The following RCHY1 variants were observed in gnomAD, a reference collection of about 807,000 sequenced individuals.
RCHY1 encodes the protein RING finger and CHY zinc finger domain-containing protein 1.
RCHY1 carries 21 observed loss-of-function variants against 41.6 expected under a neutral mutation model. That is an observed-to-expected ratio of 0.51 (90% CI 0.36 to 0.73). The LOEUF (loss-of-function observed/expected upper bound fraction) is 0.73. RCHY1 is among the 30% of genes least tolerant of loss of function. The pLI, the probability that RCHY1 is intolerant of heterozygous loss-of-function variation, is 0.00. For synonymous variants in RCHY1, 79 were observed against 102.9 expected, an observed-to-expected ratio of 0.77 and a Z score of 1.41; for missense variants, 265 against 325.3, an observed-to-expected ratio of 0.81 and a Z score of 1.43.
intron 4 of RCHY1, among the ~76,000 whole-genome samples, 159 bp from the exon 5 acceptor site, chr4:75,492,092 T>C (rs1722802846): frequency 6.6e-6 from 1 of 151,986 alleles, no homozygotes; most frequent in African/African-American, 2.4e-5. Flanking sequence ...TTAATAGTTA[T>C]TTAAATCTCA....
At chr4:75,487,757 A>T (rs1230618095) in intron 8 of RCHY1, among the ~76,000 whole-genome samples, 1 of 29,182 alleles carries the variant, frequency 3.4e-5, no homozygotes, top group Non-Finnish European at 6.0e-5. Context: ...ATATATTCAT[A>T]ATATATATAT....
At chr4:75,514,450 G>A, upstream of RCHY1, 1 of 742,784 alleles carries the variant, frequency 1.3e-6, no homozygotes, top group Admixed American at 3.0e-5. Context: ...CGGTTCCCGG[G>A]GCTACGAGGC....
Position 75,514,369 on chromosome 4 carries a change from C to A in RCHY1, c.-83G>T. 7.0e-7 allele frequency: 1 copy of A among 1,426,982 alleles called. No individual in the cohort carries two copies. The highest frequency in any genetic ancestry group is 9.5e-7 in the Non-Finnish European group (1 of 1,057,748). The allele number at this position is 1,426,982 out of a possible 1,614,324, so 88.4% of individuals were successfully genotyped here. ...AGAGAAGCTGCGCCTCTCTAGCACACCCCTCCCAGCCCCAGCGGCCACTAG... is the reference window on the plus strand; with the variant it reads ...AGAGAAGCTGCGCCTCTCTAGCACAACCCTCCCAGCCCCAGCGGCCACTAG... On this transcript the variant is annotated 5_prime_UTR_variant, in exon 1 of 9. Coordinates refer to ENST00000324439, the MANE Select transcript of RCHY1 (RefSeq NM_015436.4).
At chr4:75,502,828 C>A (rs900047498) in intron 3 of RCHY1, among the ~76,000 whole-genome samples, 11 of 152,202 alleles carry the variant, frequency 7.2e-5, no homozygotes, top group Admixed American at 2.0e-4. Flanking sequence ...ATGAAATAAT[C>A]ACTAATGCAT....
At chr4:75,505,153 A>G (rs1180797006) in intron 3 of RCHY1, among the ~76,000 whole-genome samples, 1 of 152,144 alleles carries the variant, frequency 6.6e-6, no homozygotes, top group Non-Finnish European at 1.5e-5. Flanking sequence ...CACAACCTAG[A>G]TCCCTTGAAT....
chr4:75,485,207 T>C (rs1490397203), intron 8 of RCHY1, among the ~76,000 whole-genome samples: 6 of 152,242 alleles, frequency 3.9e-5, no homozygotes, highest in African/African-American at 1.4e-4. Context: ...TACTTCTGTT[T>C]AATTTCTGAG....
chr4:75,490,057 T>C (rs1035210093), intron 8 of RCHY1, among the ~76,000 whole-genome samples: 7 of 152,096 alleles, frequency 4.6e-5, no homozygotes, highest in African/African-American at 1.4e-4. Flanking sequence ...ATGACTCTTA[T>C]CTCTCAATTT....
chr4:75,508,938 A>C lies in RCHY1; in HGVS notation c.211-3T>G. 6.4e-7 allele frequency: 1 copy of C among 1,573,706 alleles called. No homozygotes were observed. On this transcript the variant is annotated splice_region_variant and splice_polypyrimidine_tract_variant and intron_variant, in intron 2 of 8. Transcript: ENST00000324439. ...CATTCTTCACAAGTCTGTTGGGCCTAAAAAAGAAACATAATTAAAAACTGC... is the reference window on the plus strand; with the variant it reads ...CATTCTTCACAAGTCTGTTGGGCCTCAAAAAGAAACATAATTAAAAACTGC...
chr4:75,513,238 G>A (rs1382673403), intron 1 of RCHY1, among the ~76,000 whole-genome samples: 1 of 152,102 alleles, frequency 6.6e-6, no homozygotes, highest in Non-Finnish European at 1.5e-5. Context: ...TTCTAATAAT[G>A]AGGCAGTGAC....
intron 8 of RCHY1, among the ~76,000 whole-genome samples, chr4:75,485,891 T>C (rs992080249): frequency 6.6e-6 from 1 of 152,168 alleles, no homozygotes; most frequent in Non-Finnish European, 1.5e-5. Flanking sequence ...TGTTAGTAAA[T>C]AGGAATGGCT....
chr4:75,483,104 G>A (rs982408997), intron 8 of RCHY1, among the ~76,000 whole-genome samples: 1 of 151,996 alleles, frequency 6.6e-6, no homozygotes, highest in Non-Finnish European at 1.5e-5. Flanking sequence ...TTAGTATACT[G>A]TTCCCTGTCT....
intron 8 of RCHY1, among the ~76,000 whole-genome samples, chr4:75,487,799 AT>A (rs1722341604): frequency 2.5e-5 from 2 of 80,610 alleles, no homozygotes; most frequent in East Asian, 3.1e-4. Flanking sequence ...ATATATTCAT[AT>A]ATATATTCAT....
chr4:75,513,002 G>GT (rs1449549016), intron 1 of RCHY1, among the ~76,000 whole-genome samples: 1 of 150,526 alleles, frequency 6.6e-6, no homozygotes, highest in African/African-American at 2.5e-5. Flanking sequence ...TTTATGGGGG[G>GT]CACCAAGATG....
Position 75,481,220 on chromosome 4 carries a change from CA to C in RCHY1, c.*1317del, listed in dbSNP as rs1211757722. On this transcript the variant is annotated 3_prime_UTR_variant, in exon 9 of 9. Transcript: ENST00000324439. Reference sequence around the variant, plus strand: ...CTTTATCTAGGTGAATAAATTTCAACAAAAGAAGAAATAAATGTGCCAGAAC... The same window carrying C: ...CTTTATCTAGGTGAATAAATTTCAACAAAGAAGAAATAAATGTGCCAGAAC... 6.6e-6 allele frequency: 1 copy of C among 152,106 alleles called. No individual in the cohort carries two copies. Among genetic ancestry groups the C allele is most frequent in the African/African-American group, 2.4e-5 (1 of 41,430 alleles). 9.4% of individuals were successfully genotyped at this position (152,106 alleles called of 1,614,324 possible). A position where few individuals can be genotyped will look rare whatever the true frequency, so the allele number is the denominator to read the frequency against.
At chr4:75,511,822 AAAAC>A (rs1315048387) in intron 1 of RCHY1, among the ~76,000 whole-genome samples, 1 of 152,094 alleles carries the variant, frequency 6.6e-6, no homozygotes, top group East Asian at 1.9e-4. Flanking sequence ...AAAAAAAAAA[AAAAC>A]AAATATCTTA....
intron 7 of RCHY1, 89 bp downstream of exon 7, chr4:75,491,522 A>G (rs759837584): frequency 3.4e-6 from 4 of 1,177,832 alleles, no homozygotes; most frequent in South Asian, 2.7e-5. Context: ...CCAATATAGT[A>G]TAAGTAACAA....
intron 3 of RCHY1, among the ~76,000 whole-genome samples, chr4:75,496,334 G>A (rs148481981): frequency 2.6e-5 from 4 of 152,118 alleles, no homozygotes; most frequent in African/African-American, 9.6e-5. Flanking sequence ...AAGAACTAAG[G>A]GTGAGCTAGG....
rs1016265726 is a variant in RCHY1 at position 75,481,146 on chromosome 4, GAAGACA to G, written c.*1386_*1391del. The G allele has an allele frequency of 2.6e-5, 4 of 152,224 alleles. No homozygotes were observed. Among genetic ancestry groups the G allele is most frequent in the African/African-American group, 9.7e-5 (4 of 41,450 alleles). The allele number at this position is 152,224 out of a possible 1,614,324, so 9.4% of individuals were successfully genotyped here. ...AAGAACATAAGAAGAGTGGAATACAGAAGACAAGAAGGTGGGATAAAATAAAGATCT... is the reference window on the plus strand; with the variant it reads ...AAGAACATAAGAAGAGTGGAATACAGAGAAGGTGGGATAAAATAAAGATCT... On this transcript the variant is annotated 3_prime_UTR_variant, in exon 9 of 9. Coordinates refer to ENST00000324439, the MANE Select transcript of RCHY1 (RefSeq NM_015436.4).
chr4:75,482,702 C>G, intron 8 of RCHY1, 36 bp from the exon 9 acceptor site: 1 of 1,492,378 alleles, frequency 6.7e-7, no homozygotes, highest in Non-Finnish European at 9.2e-7. Context: ...GTATTTTAAA[C>G]CTTATAAATA....
Sources: gnomAD v4.1 joint callset for allele counts (sites outside exome capture counted in the v4.1 genomes callset) on GRCh38, gnomAD v4.1.1 for gene constraint, MANE v1.5 for transcripts, NCBI Gene and HGNC (gene_info 2026-07-23, HGNC 2026-07-21) for gene names.